The following STARD13 variants were observed in gnomAD, a reference collection of about 807,000 sequenced individuals.
STARD13 encodes stAR-related lipid transfer protein 13.
In STARD13, 62 loss-of-function variants were observed where a neutral mutation model predicts 106.4. That is an observed-to-expected ratio of 0.58 (90% CI 0.48 to 0.72). The LOEUF is 0.72. STARD13 is among the 30% of genes least tolerant of loss of function. STARD13 has a pLI of 0.00. For synonymous variants in STARD13, 565 were observed against 553.0 expected, an observed-to-expected ratio of 1.02 and a Z score of -0.31; for missense variants, 1,387 against 1,424.0, an observed-to-expected ratio of 0.97 and a Z score of 0.42.
chr13:33,470,205 A>G, the STARD13 span, among the ~76,000 whole-genome samples: 1 of 152,146 alleles, frequency 6.6e-6, no homozygotes, highest in Non-Finnish European at 1.5e-5. Context: ...AGCTACATCC[A>G]TGTCCCTGCA....
At chr13:33,128,367 C>T (rs1387266273) in intron 5 of STARD13, among the ~76,000 whole-genome samples, 1 of 152,134 alleles carries the variant, frequency 6.6e-6, no homozygotes, top group Non-Finnish European at 1.5e-5. Context: ...CAAGACACAC[C>T]CTTGCCTCAA....
the STARD13 span, among the ~76,000 whole-genome samples, chr13:33,492,843 T>C: frequency 6.6e-6 from 1 of 152,188 alleles, no homozygotes; most frequent in East Asian, 1.9e-4. Flanking sequence ...GAATTCTTTC[T>C]TGTGCGAGAT....
At chr13:33,222,371 T>C (rs1014578281) in intron 1 of STARD13, among the ~76,000 whole-genome samples, 52 of 152,132 alleles carry the variant, frequency 3.4e-4, no homozygotes, top group African/African-American at 1.2e-3. Context: ...TGAAAAAAGA[T>C]CTGGAGATTG....
At chr13:33,632,578 G>A in the STARD13 span, among the ~76,000 whole-genome samples, 1 of 152,120 alleles carries the variant, frequency 6.6e-6, no homozygotes, top group Non-Finnish European at 1.5e-5. Flanking sequence ...ATCTAAGTGG[G>A]AGCAAAAGCT....
At chr13:33,657,162 C>T in the STARD13 span, among the ~76,000 whole-genome samples, 2 of 152,096 alleles carry the variant, frequency 1.3e-5, no homozygotes, top group Admixed American at 6.5e-5. Flanking sequence ...CCCAGCTACT[C>T]GGGAGGCTGA....
chr13:33,190,885 C>T (rs1886211104), intron 1 of STARD13, among the ~76,000 whole-genome samples: 1 of 152,098 alleles, frequency 6.6e-6, no homozygotes, highest in Non-Finnish European at 1.5e-5. Context: ...TACCCGGCCA[C>T]TACACCCGTT....
chr13:33,333,154 C>T (rs1402544859), intron 1 of STARD13, among the ~76,000 whole-genome samples: 1 of 152,146 alleles, frequency 6.6e-6, no homozygotes, highest in Non-Finnish European at 1.5e-5. Context: ...CTTTGGGAGG[C>T]CAAGATGGGC....
the STARD13 span, among the ~76,000 whole-genome samples, chr13:33,628,930 T>C: frequency 6.6e-6 from 1 of 152,250 alleles, no homozygotes; most frequent in Non-Finnish European, 1.5e-5. Flanking sequence ...TTACATGAGA[T>C]GCTATTTGCT....
At chr13:33,446,681 T>C in the STARD13 span, among the ~76,000 whole-genome samples, 2 of 152,184 alleles carry the variant, frequency 1.3e-5, no homozygotes, top group Non-Finnish European at 2.9e-5. Context: ...TGTATGTATA[T>C]TAGCGTTCAT....
chr13:33,144,979 C>A (rs1246680530), intron 3 of STARD13, among the ~76,000 whole-genome samples: 2 of 152,128 alleles, frequency 1.3e-5, no homozygotes, highest in Non-Finnish European at 2.9e-5. Flanking sequence ...CTGACACATG[C>A]AGGAAGTTTA....
At chr13:33,551,599 T>C in the STARD13 span, among the ~76,000 whole-genome samples, 1 of 94,948 alleles carries the variant, frequency 1.1e-5, no homozygotes, top group Non-Finnish European at 2.1e-5. Context: ...TTTTTTTTTT[T>C]TTTTTTTTTT....
At chr13:33,213,394 A>G (rs574683888) in intron 1 of STARD13, among the ~76,000 whole-genome samples, 42 of 152,368 alleles carry the variant, frequency 2.8e-4, no homozygotes, top group Non-Finnish European at 4.9e-4. Context: ...AGACAAAATC[A>G]TGTAGTACAA....
chr13:33,657,476 T>C, the STARD13 span: 2 of 152,202 alleles, frequency 1.3e-5, no homozygotes, highest in South Asian at 4.2e-4. Flanking sequence ...CAGGAGGTAT[T>C]ACAGGCAGCA....
the STARD13 span, among the ~76,000 whole-genome samples, chr13:33,669,624 C>T: frequency 1.3e-5 from 2 of 150,774 alleles, no homozygotes; most frequent in Admixed American, 6.6e-5. Flanking sequence ...CAACCTCTGC[C>T]GCCTGGGTTC....
chr13:33,456,983 A>G, the STARD13 span, among the ~76,000 whole-genome samples: 1 of 152,260 alleles, frequency 6.6e-6, no homozygotes, highest in African/African-American at 2.4e-5. Flanking sequence ...AAATTTGCCA[A>G]TGATGTCCAA....
At chr13:33,351,226 G>A (rs566578456), upstream of STARD13, among the ~76,000 whole-genome samples, 6 of 152,214 alleles carry the variant, frequency 3.9e-5, no homozygotes, top group African/African-American at 1.4e-4. Context: ...AAATATTCAG[G>A]TCAAACCATA....
chr13:33,305,382 C>T (rs1794979608), intron 1 of STARD13, among the ~76,000 whole-genome samples: 1 of 152,220 alleles, frequency 6.6e-6, no homozygotes, highest in Non-Finnish European at 1.5e-5. Flanking sequence ...GGTAGAGCCT[C>T]ATATCTTTTA....
the STARD13 span, among the ~76,000 whole-genome samples, chr13:33,638,804 C>T: frequency 1.3e-5 from 2 of 152,102 alleles, no homozygotes; most frequent in South Asian, 2.1e-4. Flanking sequence ...GAGGGTAGGG[C>T]CCATCAGTCA....
At chr13:33,179,692 G>C (rs971295563) in intron 1 of STARD13, among the ~76,000 whole-genome samples, 2 of 152,142 alleles carry the variant, frequency 1.3e-5, no homozygotes, top group African/African-American at 4.8e-5. Flanking sequence ...AACCAAGCAG[G>C]GATAGACAAA....
Sources: allele counts gnomAD v4.1 joint callset (sites outside exome capture counted in the v4.1 genomes callset), GRCh38; gene constraint gnomAD v4.1.1; transcripts MANE v1.5; gene names NCBI Gene and HGNC (gene_info 2026-07-23, HGNC 2026-07-21).